IQCH: variants seen among roughly 807,000 people sequenced by gnomAD.
IQCH encodes IQ motif containing H.
In IQCH, 98 loss-of-function variants were observed where a neutral mutation model predicts 117.0. The observed-to-expected ratio is 0.84, with a 90% CI of 0.71 to 0.99. IQCH has a LOEUF of 0.99. IQCH is among the 50% of genes least tolerant of loss of function. The pLI is 0.00. For missense variants in IQCH, 1,102 were observed against 1,243.8 expected, an observed-to-expected ratio of 0.89 and a Z score of 1.72; for synonymous variants, 412 against 448.2, an observed-to-expected ratio of 0.92 and a Z score of 1.02.
Position 67,407,250 on chromosome 15 carries a change from T to C in IQCH, c.2097+6945T>C, listed in dbSNP as rs558939336. The C allele has an allele frequency of 6.6e-6, 1 of 152,228 alleles. No homozygotes were observed. The highest frequency in any genetic ancestry group is 1.5e-5 in the Non-Finnish European group (1 of 68,040). 9.4% of individuals were successfully genotyped at this position (152,228 alleles called of 1,614,324 possible). ...CTTTCTATGAGTTGAATAAAGAGGCTTGACAAAGTAGAGATTATTCTGACC... is the reference window on the plus strand; with the variant it reads ...CTTTCTATGAGTTGAATAAAGAGGCCTGACAAAGTAGAGATTATTCTGACC... On this transcript the variant is annotated intron_variant, in intron 14 of 20. Coordinates refer to ENST00000335894, the MANE Select transcript of IQCH (RefSeq NM_001031715.3). The surrounding 1 kb of genome is among the most constrained non-coding windows in gnomAD (Gnocchi z 5.3).
chr15:67,492,142 T>C (rs2083672364), intron 19 of IQCH, among the ~76,000 whole-genome samples: 2 of 152,136 alleles, frequency 1.3e-5, no homozygotes, highest in Admixed American at 6.5e-5. Flanking sequence ...GGATTTGAAG[T>C]TGGCATGCAT....
chr15:67,319,350 C>G (rs1968005070), intron 4 of IQCH, among the ~76,000 whole-genome samples: 1 of 152,290 alleles, frequency 6.6e-6, no homozygotes, highest in Admixed American at 6.5e-5. Flanking sequence ...GCACTAATTC[C>G]TAGGTGATAT....
intron 4 of IQCH, among the ~76,000 whole-genome samples, chr15:67,319,412 A>G (rs760010132): frequency 3.0e-4 from 45 of 152,296 alleles, no homozygotes; most frequent in Non-Finnish European, 6.2e-4. Flanking sequence ...TTATTTGCCA[A>G]TTTGAGATAC....
chr15:67,296,093 TAC>T (rs747547505), intron 4 of IQCH, among the ~76,000 whole-genome samples: 13 of 152,354 alleles, frequency 8.5e-5, no homozygotes, highest in Non-Finnish European at 1.6e-4. Flanking sequence ...ATTCCTCACA[TAC>T]CTTCAAGAAA....
chr15:67,451,420 T>G (rs1014853620), intron 16 of IQCH, among the ~76,000 whole-genome samples: 1 of 152,174 alleles, frequency 6.6e-6, no homozygotes, highest in Non-Finnish European at 1.5e-5. Flanking sequence ...TCTGGTATGT[T>G]GTGTCTTTGT....
chr15:67,495,443 T>A (rs2083778881), intron 20 of IQCH, among the ~76,000 whole-genome samples: 1 of 152,226 alleles, frequency 6.6e-6, no homozygotes, highest in Admixed American at 6.5e-5. Context: ...GCTCAAGGGA[T>A]CTTGTCTTGG....
chr15:67,389,307 G>A (rs1971206502), intron 12 of IQCH, among the ~76,000 whole-genome samples: 1 of 152,096 alleles, frequency 6.6e-6, no homozygotes, highest in African/African-American at 2.4e-5. Context: ...TTGTGTGGAG[G>A]ACACTAAGGC....
rs1971826504 is a variant in IQCH at position 67,404,906 on chromosome 15, A to G, written c.2097+4601A>G. On this transcript the variant is annotated intron_variant, in intron 14 of 20. Coordinates refer to ENST00000335894, the MANE Select transcript of IQCH (RefSeq NM_001031715.3). The surrounding 1 kb of genome is among the most constrained non-coding windows in gnomAD (Gnocchi z 4.6). ...GAGGAGAAAGACCCAGGAGTAGAAT[A>G]TTTTATGGCTTTTGTTACATATTGC... 6.6e-6 allele frequency: 1 copy of G among 152,186 alleles called. No individual in the cohort carries two copies. The highest frequency in any genetic ancestry group is 6.5e-5 in the Admixed American group (1 of 15,278). 9.4% of individuals were successfully genotyped at this position (152,186 alleles called of 1,614,324 possible).
chr15:67,428,963 G>A (rs115654880), intron 16 of IQCH, among the ~76,000 whole-genome samples: 2 of 152,074 alleles, frequency 1.3e-5, no homozygotes, highest in East Asian at 3.9e-4. Flanking sequence ...CCAATGGCAT[G>A]AGCCAATGAA....
rs1421109947 is a variant in IQCH, at chr15:67,500,987, T to C, written c.*241T>C. 2 of 269,748 alleles carry C rather than the reference T, an allele frequency of 7.4e-6. No individual in the cohort carries two copies. Among genetic ancestry groups the C allele is most frequent in the Non-Finnish European group, 1.4e-5 (2 of 143,066 alleles). 16.7% of individuals were successfully genotyped at this position (269,748 alleles called of 1,614,324 possible). ...AGAGTGTTGAACAATCCCTTCTTCT[T>C]CTCAAACTCAGAAAAAAGTAATCTG... On this transcript the variant is annotated 3_prime_UTR_variant, in exon 21 of 21. Coordinates refer to ENST00000335894, the MANE Select transcript of IQCH (RefSeq NM_001031715.3). The surrounding 1 kb of genome is among the most constrained non-coding windows in gnomAD (Gnocchi z 4.4).
intron 8 of IQCH, chr15:67,371,445 A>G: frequency 6.6e-7 from 1 of 1,506,176 alleles, no homozygotes; most frequent in Non-Finnish European, 8.9e-7. Flanking sequence ...ATCCTAATCC[A>G]CCTGGGACAG....
chr15:67,322,064 A>G (rs1596177023), intron 4 of IQCH, among the ~76,000 whole-genome samples: 2 of 152,326 alleles, frequency 1.3e-5, no homozygotes, highest in African/African-American at 4.8e-5. Context: ...TTTTAAAATC[A>G]TCAACTCTAA....
At position 67,447,905 on chromosome 15, in the gene IQCH, G is replaced by A. The variant is rs563082597; in HGVS notation, c.2506-17222G>A. ...ATGCTAATATATATTCTTTCTTCCA[G>A]ATCATGACTGCTTATGGTGGCCCAT... On this transcript the variant is annotated intron_variant, in intron 16 of 20. Transcript: ENST00000335894. The surrounding 1 kb of genome is among the most constrained non-coding windows in gnomAD (Gnocchi z 5.3). Among the ~76,000 whole-genome samples the A allele has an allele frequency of 3.3e-5, 5 of 152,266 alleles. No individual in the cohort carries two copies. The South Asian group carries it at 1.0e-3, about 32-fold the overall frequency.
At chr15:67,323,556 TA>T (rs1355111179) in intron 4 of IQCH, among the ~76,000 whole-genome samples, 4 of 152,186 alleles carry the variant, frequency 2.6e-5, no homozygotes, top group African/African-American at 9.7e-5. Context: ...TTACATATTT[TA>T]AAATAATTTT....
intron 2 of IQCH, 38 bp from the exon 3 acceptor site, chr15:67,263,084 C>A: frequency 9.2e-7 from 1 of 1,087,712 alleles, no homozygotes; most frequent in Non-Finnish European, 1.4e-6. Context: ...TATCTTAAGT[C>A]CACAATAATT....
chr15:67,459,532 A>G lies in IQCH; in HGVS notation c.2506-5595A>G, dbSNP rs1296463722. Among the ~76,000 whole-genome samples the G allele has an allele frequency of 6.6e-6, 1 of 152,210 alleles. No individual in the cohort carries two copies. Among genetic ancestry groups the G allele is most frequent in the Admixed American group, 6.5e-5 (1 of 15,280 alleles). ...AGCCTCCATCTGCTGAGAACACCTC[A>G]GGCAAAAAGGGCTCAAGACCAGGCT... On this transcript the variant is annotated intron_variant, in intron 16 of 20. Coordinates refer to ENST00000335894, the MANE Select transcript of IQCH (RefSeq NM_001031715.3). This position sits in a 1 kb window ranked among gnomAD's most constrained non-coding sequence, Gnocchi z 4.2.
chr15:67,481,589 T>C lies in IQCH; in HGVS notation c.2799+5771T>C, dbSNP rs2083339593. On this transcript the variant is annotated intron_variant, in intron 18 of 20. Coordinates refer to ENST00000335894, the MANE Select transcript of IQCH (RefSeq NM_001031715.3). This position sits in a 1 kb window ranked among gnomAD's most constrained non-coding sequence, Gnocchi z 4.1. Reference sequence around the variant, plus strand: ...TACATATTTGCATTCAGAGAGACTCTCTCAGGAAAAAGAGAACAGAACAAA... The same window carrying C: ...TACATATTTGCATTCAGAGAGACTCCCTCAGGAAAAAGAGAACAGAACAAA... Among the ~76,000 whole-genome samples the C allele has an allele frequency of 6.6e-6, 1 of 151,952 alleles. No individual in the cohort carries two copies. Among genetic ancestry groups the C allele is most frequent in the Non-Finnish European group, 1.5e-5 (1 of 68,000 alleles).
At chr15:67,439,143 A>G (rs1279462498) in intron 16 of IQCH, among the ~76,000 whole-genome samples, 1 of 152,234 alleles carries the variant, frequency 6.6e-6, no homozygotes, top group East Asian at 1.9e-4. Context: ...TCCAAGATAG[A>G]CCTTATGATA....
In IQCH at chr15:67,436,444, T is replaced by G. The variant is rs1483318994; in HGVS notation, c.2505+14867T>G. Among the ~76,000 whole-genome samples, 1 of 152,166 alleles carries G rather than the reference T, an allele frequency of 6.6e-6. No individual in the cohort carries two copies. Among genetic ancestry groups the G allele is most frequent in the African/African-American group, 2.4e-5 (1 of 41,434 alleles). ...TCACTGCATCCCCTAGCAGCCCATT[T>G]CTGCCTGGCACCACAGGGATCCATC... On this transcript the variant is annotated intron_variant, in intron 16 of 20. Coordinates refer to ENST00000335894, the MANE Select transcript of IQCH (RefSeq NM_001031715.3). This position sits in a 1 kb window ranked among gnomAD's most constrained non-coding sequence, Gnocchi z 5.1.
Sources: allele counts gnomAD v4.1 joint callset (sites outside exome capture counted in the v4.1 genomes callset), GRCh38; gene constraint gnomAD v4.1.1; non-coding constraint Gnocchi (gnomAD v3.1); transcripts MANE v1.5; gene names NCBI Gene and HGNC (gene_info 2026-07-23, HGNC 2026-07-21).